SBSPON: variants seen among roughly 807,000 people sequenced by gnomAD.
SBSPON encodes somatomedin-B and thrombospondin type-1 domain-containing protein.
SBSPON carries 30 observed loss-of-function variants against 35.8 expected under a neutral mutation model. That is an observed-to-expected ratio of 0.84 (90% CI 0.63 to 1.14). SBSPON has a LOEUF of 1.14. Ranked by LOEUF, SBSPON falls within the 50% of genes most tolerant of loss-of-function variation. SBSPON has a pLI of 0.00. For missense variants in SBSPON, 364 were observed against 357.7 expected, an observed-to-expected ratio of 1.02 and a Z score of -0.14; for synonymous variants, 136 against 135.9, an observed-to-expected ratio of 1.00 and a Z score of 0.00.
chr8:73,086,974 G>A (rs374338341), intron 1 of SBSPON, among the ~76,000 whole-genome samples: 1 of 152,190 alleles, frequency 6.6e-6, no homozygotes, highest in Non-Finnish European at 1.5e-5. Context: ...ACCTGGTGGG[G>A]ATGGGTGGGA....
intron 3 of SBSPON, 24 bp downstream of exon 3, chr8:73,071,753 TAAA>T (rs3830249): frequency 1.0e-4 from 133 of 1,287,074 alleles, no homozygotes; most frequent in African/African-American, 2.2e-4. Flanking sequence ...AAAACATGAT[TAAA>T]AAAAAAAAAA....
At chr8:73,075,371 C>T (rs1421287569) in intron 2 of SBSPON, among the ~76,000 whole-genome samples, 1 of 152,170 alleles carries the variant, frequency 6.6e-6, no homozygotes, top group East Asian at 1.9e-4. Context: ...TAATACACCC[C>T]CCCCAAATTC....
At position 73,072,394 on chromosome 8, in the gene SBSPON, C is replaced by T. The variant is rs116570483; in HGVS notation, c.410-524G>A. On this transcript the variant is annotated intron_variant, in intron 2 of 4. Coordinates refer to ENST00000297354, the MANE Select transcript of SBSPON (RefSeq NM_153225.4). The stretch of plus-strand genomic sequence containing the variant: ...AATGAGAAAGGAAAAAAGCAGCTGG[C>T]GTGTTGGCTCATGCCTGTAATCCCA... 3.4e-3 allele frequency among the ~76,000 whole-genome samples: 521 copies of T among 152,180 alleles called. 1 individual carries two copies. The highest frequency in any genetic ancestry group is 0.012 in the African/African-American group (493 of 41,548).
intron 1 of SBSPON, among the ~76,000 whole-genome samples, chr8:73,084,762 ACACAC>A (rs1810790085): frequency 1.3e-5 from 1 of 78,186 alleles, no homozygotes; most frequent in Non-Finnish European, 2.7e-5. Flanking sequence ...ACACACACAC[ACACAC>A]ACACACACAC....
In SBSPON at chr8:73,092,879, G is replaced by A; in HGVS notation, c.189C>T (p.Cys63=). 1 of 1,611,892 alleles carries A rather than the reference G, an allele frequency of 6.2e-7. No individual in the cohort carries two copies. Among genetic ancestry groups the A allele is most frequent in the Non-Finnish European group, 8.5e-7 (1 of 1,179,396 alleles). ...CTGGGCACGCCCTGTCGTAGTCGAA[G>A]CAGCAGTCCCCGGTGAAGCGACAGG... ...DQACRFTGDC[C]FDYDRACPAR... Residue 63 remains cysteine, a synonymous_variant, in exon 1 of 5, where the codon TGC becomes TGT. Transcript: ENST00000297354.
In SBSPON at chr8:73,067,292, G is replaced by T. The variant is rs975777102; in HGVS notation, c.*49C>A. The T allele has an allele frequency of 8.1e-6, 9 of 1,117,430 alleles. No homozygotes were observed. Among genetic ancestry groups the T allele is most frequent in the Non-Finnish European group, 1.2e-5 (9 of 732,936 alleles). The allele number at this position is 1,117,430 out of a possible 1,614,324, so 69.2% of individuals were successfully genotyped here. A position where few individuals can be genotyped will look rare whatever the true frequency, so the allele number is the denominator to read the frequency against. ...TTAGGAAACATTGAACATGACTTGA[G>T]AATATTTAGAATGTTTACAAATGCA... On this transcript the variant is annotated 3_prime_UTR_variant, in exon 5 of 5. Coordinates refer to ENST00000297354, the MANE Select transcript of SBSPON (RefSeq NM_153225.4).
In SBSPON at chr8:73,067,436, C is replaced by T; in HGVS notation, c.700G>A (p.Ala234Thr). The T allele has an allele frequency of 6.2e-7, 1 of 1,607,788 alleles. No individual in the cohort carries two copies. Among genetic ancestry groups the T allele is most frequent in the Non-Finnish European group, 8.5e-7 (1 of 1,175,312 alleles). Residue 234 changes from alanine (A) to threonine (T), a missense_variant, in exon 5 of 5, where the codon GCA (alanine) becomes ACA (threonine). Ala to Thr is a moderately conservative substitution (Grantham distance 58). Coordinates refer to ENST00000297354, the MANE Select transcript of SBSPON (RefSeq NM_153225.4). The part of the protein sequence containing the change: ...SDGNQTLHWQ[A>T]IGNPRCQGTW... ...CCTTGACACCGAGGATTACCAATTG[C>T]TTGCCAATGGAGAGTCTGATTTCTG... is the stretch of plus-strand genomic sequence containing the variant.
chr8:73,089,559 C>T (rs1012878098), intron 1 of SBSPON, among the ~76,000 whole-genome samples: 3 of 112,384 alleles, frequency 2.7e-5, no homozygotes, highest in Admixed American at 9.9e-5. Context: ...GACTCCGTCT[C>T]AAAAAAAAAA....
At position 73,065,561 on chromosome 8, in the gene SBSPON, G is replaced by A. The variant is rs1254154334; in HGVS notation, c.*1780C>T. ...GAGGCCGAGGTGGGTGGATCACGAG[G>A]TCAGGAGATCGAGACCACCCTGGCT... On this transcript the variant is annotated 3_prime_UTR_variant, in exon 5 of 5. Transcript: ENST00000297354. 1 of 152,012 alleles carries A rather than the reference G, an allele frequency of 6.6e-6. No individual in the cohort carries two copies. Among genetic ancestry groups the A allele is most frequent in the African/African-American group, 2.4e-5 (1 of 41,374 alleles). The allele number at this position is 152,012 out of a possible 1,614,324, so 9.4% of individuals were successfully genotyped here.
At chr8:73,084,720 T>C (rs1810786499) in intron 1 of SBSPON, among the ~76,000 whole-genome samples, 1 of 150,368 alleles carries the variant, frequency 6.7e-6, no homozygotes, top group Non-Finnish European at 1.5e-5. Flanking sequence ...GGCCAGCTTT[T>C]TCTAGTCTTC....
intron 2 of SBSPON, among the ~76,000 whole-genome samples, chr8:73,073,323 C>T (rs1264746764): frequency 6.6e-6 from 1 of 152,204 alleles, no homozygotes; most frequent in African/African-American, 2.4e-5. Flanking sequence ...TAGATACAAG[C>T]TGATATCAAC....
intron 1 of SBSPON, chr8:73,086,005 G>A (rs974918443): frequency 6.6e-6 from 1 of 152,106 alleles, no homozygotes; most frequent in Non-Finnish European, 1.5e-5. Context: ...TCATTCCTAA[G>A]GAAATGTTCT....
intron 1 of SBSPON, among the ~76,000 whole-genome samples, chr8:73,090,669 C>G (rs1033251580): frequency 3.5e-4 from 53 of 152,204 alleles, no homozygotes; most frequent in African/African-American, 1.2e-3. Context: ...TTTCAGTCCC[C>G]CACCTGCTTC....
Position 73,081,207 on chromosome 8 carries a change from G to A in SBSPON, c.221C>T (p.Pro74Leu), listed in dbSNP as rs767411267. The change falls in exon 2 of 5, where the codon CCG (proline) becomes CTG (leucine). Residue 74 changes from proline (P) to leucine (L), a missense_variant. Physicochemically the swap from Pro to Leu is moderately conservative, Grantham distance 98. Coordinates refer to ENST00000297354, the MANE Select transcript of SBSPON (RefSeq NM_153225.4). ...FDYDRACPARPCFVGEWSPWS... is the reference protein window; with the variant it reads ...FDYDRACPARLCFVGEWSPWS... Reference sequence around the variant, plus strand: ...GGGGCTCCATTCCCCCACGAAGCACGGGCGAGCTGAAAAACAGCACAATAG... The same window carrying A: ...GGGGCTCCATTCCCCCACGAAGCACAGGCGAGCTGAAAAACAGCACAATAG... 1.6e-5 allele frequency: 25 copies of A among 1,579,172 alleles called. No individual in the cohort carries two copies. The highest frequency in any genetic ancestry group is 6.8e-5 in the African/African-American group (5 of 73,812).
At chr8:73,072,510 A>G (rs1243916354) in intron 2 of SBSPON, among the ~76,000 whole-genome samples, 1 of 152,148 alleles carries the variant, frequency 6.6e-6, no homozygotes, top group Non-Finnish European at 1.5e-5. Context: ...CTCTACTAAA[A>G]ATACAAAAAT....
rs397831785 is a variant in SBSPON, at chr8:73,071,758, A to G, written c.500+22T>C. ...ATACAATTGAAAAACATGATTAAAAAAAAAAAAAAACACGAAATTACCCAG... is the reference window on the plus strand; with the variant it reads ...ATACAATTGAAAAACATGATTAAAAGAAAAAAAAAACACGAAATTACCCAG... On this transcript the variant is annotated intron_variant, in intron 3 of 4. Coordinates refer to ENST00000297354, the MANE Select transcript of SBSPON (RefSeq NM_153225.4). 6 of 1,447,992 alleles carry G rather than the reference A, an allele frequency of 4.1e-6. No individual in the cohort carries two copies. In the South Asian group the frequency reaches 6.2e-5, roughly 15 times the overall value. 89.7% of individuals were successfully genotyped at this position (1,447,992 alleles called of 1,614,324 possible). A position where few individuals can be genotyped will look rare whatever the true frequency, so the allele number is the denominator to read the frequency against.
intron 1 of SBSPON, among the ~76,000 whole-genome samples, chr8:73,092,050 C>T (rs1472387531): frequency 6.6e-6 from 1 of 152,208 alleles, no homozygotes; most frequent in African/African-American, 2.4e-5. Flanking sequence ...CAAGGCTGTA[C>T]TCATCATTTG....
intron 1 of SBSPON, among the ~76,000 whole-genome samples, chr8:73,081,823 T>A (rs1810711048): frequency 6.6e-6 from 1 of 152,142 alleles, no homozygotes; most frequent in African/African-American, 2.4e-5. Flanking sequence ...GCTTGTAGAC[T>A]CATGAACTAT....
chr8:73,069,872 C>G lies in SBSPON; in HGVS notation c.610G>C (p.Asp204His). The G allele has an allele frequency of 6.2e-7, 1 of 1,614,044 alleles. No individual in the cohort carries two copies. Residue 204 changes from aspartate to histidine, a missense_variant, in exon 4 of 5, where the codon GAT becomes CAT. Asp to His is a moderately conservative substitution (Grantham distance 81, BLOSUM62 -1). Coordinates refer to ENST00000297354, the MANE Select transcript of SBSPON (RefSeq NM_153225.4). The part of the protein sequence containing the change: ...YLREGYTVCV[D>H]CQPPAMNSVS... Reference sequence around the variant, plus strand: ...GAGTTCATAGCTGGAGGCTGACAATCCACACACACCGTGTATCCCTCTCGG... The same window carrying G: ...GAGTTCATAGCTGGAGGCTGACAATGCACACACACCGTGTATCCCTCTCGG...
Sources: gnomAD v4.1 joint callset for allele counts (sites outside exome capture counted in the v4.1 genomes callset) on GRCh38, gnomAD v4.1.1 for gene constraint, MANE v1.5 for transcripts, NCBI Gene and HGNC (gene_info 2026-07-23, HGNC 2026-07-21) for gene names.